The following LRATD2 variants were observed in gnomAD, a reference collection of about 807,000 sequenced individuals.
The protein encoded by LRATD2 is LRAT domain containing 2.
LRATD2 carries 10 observed loss-of-function variants against 12.0 expected under a neutral mutation model. The observed-to-expected ratio is 0.83, with a 90% CI of 0.51 to 1.41. The LOEUF is 1.41. LRATD2 is among the 40% of genes most tolerant of loss of function. The pLI is 0.00. For synonymous variants in LRATD2, 220 were observed against 205.8 expected (o/e 1.07, Z -0.59); for missense variants, 455 against 446.1 (o/e 1.02, Z -0.18).
In LRATD2 at chr8:126,556,497, G is replaced by C. The variant is rs1211652283; in HGVS notation, c.893C>G (p.Pro298Arg). The change falls in exon 2 of 2, where the codon CCC (proline) becomes CGC (arginine). Residue 298 changes from proline to arginine, a missense_variant. By Grantham distance (103) the Pro-to-Arg change is moderately radical. Transcript: ENST00000304916. This position sits in a 1 kb window ranked among gnomAD's most constrained non-coding sequence, Gnocchi z 5.6. ...CTCTCCGTCCTCCTCCTCGGAGCTG[G>C]GCGCAGGGGGGCGCCCGGGAGGCGG... The part of the protein sequence containing the change: ...TTPPPGRPPA[P>R]SSEEEDGEAV... 2 of 1,588,272 alleles carry C rather than the reference G, an allele frequency of 1.3e-6. No homozygotes were observed. The highest frequency in any genetic ancestry group is 1.4e-5 in the African/African-American group (1 of 74,000).
rs993895172 is a variant in LRATD2, at chr8:126,554,939, A to G, written c.*1518T>C. The G allele has an allele frequency of 2.0e-5, 3 of 152,306 alleles. No individual in the cohort carries two copies. The highest frequency in any genetic ancestry group is 7.2e-5 in the African/African-American group (3 of 41,576). The allele number at this position is 152,306 out of a possible 1,614,324, so 9.4% of individuals were successfully genotyped here. On this transcript the variant is annotated 3_prime_UTR_variant, in exon 2 of 2. Coordinates refer to ENST00000304916, the MANE Select transcript of LRATD2 (RefSeq NM_174911.5). ...TATGCTGCAACTGAGGGCACATATC[A>G]TTGAAGATGTCACAGGAGTTTAAGA...
rs1298617378 is a variant in LRATD2 at position 126,558,427 on chromosome 8, G to A, written c.-490C>T. The A allele has an allele frequency of 6.6e-6, 1 of 152,128 alleles. No homozygotes were observed. Among genetic ancestry groups the A allele is most frequent in the African/African-American group, 2.4e-5 (1 of 41,442 alleles). 9.4% of individuals were successfully genotyped at this position (152,128 alleles called of 1,614,324 possible). ...GCTGGAGGGACGGGATTGTAGATCC[G>A]GCTCCGGGCTCCCGGGCGGGAGCGC... On this transcript the variant is annotated 5_prime_UTR_variant, in exon 1 of 2. Coordinates refer to ENST00000304916, the MANE Select transcript of LRATD2 (RefSeq NM_174911.5).
chr8:126,557,584 C>T lies in LRATD2; in HGVS notation c.-96-99G>A. On this transcript the variant is annotated intron_variant, in intron 1 of 1. Coordinates refer to ENST00000304916, the MANE Select transcript of LRATD2 (RefSeq NM_174911.5). The surrounding 1 kb of genome is among the most constrained non-coding windows in gnomAD (Gnocchi z 5.3). ...TCGGTGGGGGCTCAGCACCTGGAGC[C>T]ATTTTAGGGGGAAGTCTCGGGTGTA... The T allele has an allele frequency of 1.6e-6, 1 of 613,488 alleles. No individual in the cohort carries two copies. The highest frequency in any genetic ancestry group is 2.8e-6 in the Non-Finnish European group (1 of 353,990). 38.0% of individuals were successfully genotyped at this position (613,488 alleles called of 1,614,324 possible).
rs2290840 is a variant in LRATD2 at position 126,558,266 on chromosome 8, T to G, written c.-329A>C. ...GGGCAATCCCTGTTCACACCGCGCT[T>G]CCTCCCGCCAGCTGGGGCTGCTGCC... On this transcript the variant is annotated 5_prime_UTR_variant, in exon 1 of 2. Transcript: ENST00000304916. The G allele has an allele frequency of 0.058, 8,823 of 151,962 alleles. 320 individuals carry two copies. The highest frequency in any genetic ancestry group is 0.079 in the Non-Finnish European group (5,381 of 68,020). 9.4% of individuals were successfully genotyped at this position (151,962 alleles called of 1,614,324 possible). A position where few individuals can be genotyped will look rare whatever the true frequency, so the allele number is the denominator to read the frequency against.
chr8:126,557,124 T>C lies in LRATD2; in HGVS notation c.266A>G (p.Asp89Gly). ...HEVECSVFYR[D>G]ECIYQKSFAP... Reference sequence around the variant, plus strand: ...GAAGCTCTTCTGGTAGATGCATTCGTCCCGGTAGAACACGGAGCATTCCAC... The same window carrying C: ...GAAGCTCTTCTGGTAGATGCATTCGCCCCGGTAGAACACGGAGCATTCCAC... The change falls in exon 2 of 2, where the codon GAC becomes GGC. Residue 89 changes from aspartate to glycine, a missense_variant. Transcript: ENST00000304916. This position sits in a 1 kb window ranked among gnomAD's most constrained non-coding sequence, Gnocchi z 5.3. 6.2e-7 allele frequency: 1 copy of C among 1,612,596 alleles called. No homozygotes were observed. Among genetic ancestry groups the C allele is most frequent in the Non-Finnish European group, 8.5e-7 (1 of 1,179,948 alleles).
chr8:126,556,158 C>A lies in LRATD2; in HGVS notation c.*299G>T. 1 of 429,232 alleles carries A rather than the reference C, an allele frequency of 2.3e-6. No individual in the cohort carries two copies. The highest frequency in any genetic ancestry group is 5.0e-5 in the South Asian group (1 of 20,186). The allele number at this position is 429,232 out of a possible 1,614,324, so 26.6% of individuals were successfully genotyped here. ...TGGCCGATTATAAACCCAGATCTAC[C>A]AAGGTTTAAGTGCCAGGCAAGTCCA... On this transcript the variant is annotated 3_prime_UTR_variant, in exon 2 of 2. Coordinates refer to ENST00000304916, the MANE Select transcript of LRATD2 (RefSeq NM_174911.5). The surrounding 1 kb of genome is among the most constrained non-coding windows in gnomAD (Gnocchi z 5.6).
rs1168758230 is a variant in LRATD2, at chr8:126,557,250, G to A, written c.140C>T (p.Pro47Leu). Reference protein sequence around the residue: ...IFSNDDEDVEPQPPPQGPDGG... With the variant: ...IFSNDDEDVELQPPPQGPDGG... ...ATCTGGCCCCTGAGGCGGCGGCTGC[G>A]GCTCCACGTCCTCATCGTCATTGGA... is the stretch of plus-strand genomic sequence containing the variant. Residue 47 changes from proline (P) to leucine (L), a missense_variant, in exon 2 of 2, where the codon CCG becomes CTG. By Grantham distance (98) the Pro-to-Leu change is moderately conservative. Coordinates refer to ENST00000304916, the MANE Select transcript of LRATD2 (RefSeq NM_174911.5). This position sits in a 1 kb window ranked among gnomAD's most constrained non-coding sequence, Gnocchi z 5.3. The A allele has an allele frequency of 6.2e-7, 1 of 1,606,900 alleles. No individual in the cohort carries two copies. Among genetic ancestry groups the A allele is most frequent in the Non-Finnish European group, 8.5e-7 (1 of 1,177,142 alleles).
In LRATD2 at chr8:126,557,488, GT is replaced by G; in HGVS notation, c.-96-4del. The G allele has an allele frequency of 7.5e-7, 1 of 1,334,090 alleles. No homozygotes were observed. 82.6% of individuals were successfully genotyped at this position (1,334,090 alleles called of 1,614,324 possible). ...CCCCGGACAGGGGCTGAGGCTACCT[GT>G]TGGGAGAGGAAGGCAAGAAAGCCAT... is the stretch of plus-strand genomic sequence containing the variant. On this transcript the variant is annotated splice_polypyrimidine_tract_variant and splice_region_variant and intron_variant, in intron 1 of 1. Coordinates refer to ENST00000304916, the MANE Select transcript of LRATD2 (RefSeq NM_174911.5). This position sits in a 1 kb window ranked among gnomAD's most constrained non-coding sequence, Gnocchi z 5.3.
Position 126,555,796 on chromosome 8 carries a change from G to A in LRATD2, c.*661C>T, listed in dbSNP as rs1373948315. 1 of 152,682 alleles carries A rather than the reference G, an allele frequency of 6.5e-6. No individual in the cohort carries two copies. The highest frequency in any genetic ancestry group is 1.5e-5 in the Non-Finnish European group (1 of 68,068). The allele number at this position is 152,682 out of a possible 1,614,324, so 9.5% of individuals were successfully genotyped here. ...AATTACTTGGGGGTTGTGGAGGAGG[G>A]AGGTAGCAAAGTCTTTGTTTGTAGC... On this transcript the variant is annotated 3_prime_UTR_variant, in exon 2 of 2. Transcript: ENST00000304916.
In LRATD2 at chr8:126,557,504, A is replaced by G; in HGVS notation, c.-96-19T>C. On this transcript the variant is annotated intron_variant, in intron 1 of 1. Transcript: ENST00000304916. The surrounding 1 kb of genome is among the most constrained non-coding windows in gnomAD (Gnocchi z 5.3). ...AGGCTACCTGTTGGGAGAGGAAGGC[A>G]AGAAAGCCATGCAGGAGCCCCTCCG... 1 of 1,195,108 alleles carries G rather than the reference A, an allele frequency of 8.4e-7. No homozygotes were observed. Among genetic ancestry groups the G allele is most frequent in the Non-Finnish European group, 1.2e-6 (1 of 852,174 alleles). The allele number at this position is 1,195,108 out of a possible 1,614,324, so 74.0% of individuals were successfully genotyped here.
At position 126,555,845 on chromosome 8, in the gene LRATD2, A is replaced by G. The variant is rs547742070; in HGVS notation, c.*612T>C. ...GCCCGAGTTTGCTTAACTATTTGTT[A>G]CACTTAATAGGAGGCTGCTGTGGTT... On this transcript the variant is annotated 3_prime_UTR_variant, in exon 2 of 2. Coordinates refer to ENST00000304916, the MANE Select transcript of LRATD2 (RefSeq NM_174911.5). 1 of 152,802 alleles carries G rather than the reference A, an allele frequency of 6.5e-6. No individual in the cohort carries two copies. Among genetic ancestry groups the G allele is most frequent in the African/African-American group, 2.4e-5 (1 of 41,570 alleles). The allele number at this position is 152,802 out of a possible 1,614,324, so 9.5% of individuals were successfully genotyped here. A position where few individuals can be genotyped will look rare whatever the true frequency, so the allele number is the denominator to read the frequency against.
At position 126,558,060 on chromosome 8, in the gene LRATD2, C is replaced by T. The variant is rs558948031; in HGVS notation, c.-123G>A. 1.3e-5 allele frequency: 2 copies of T among 152,442 alleles called. No individual in the cohort carries two copies. The highest frequency in any genetic ancestry group is 1.3e-4 in the Admixed American group (2 of 15,306). The allele number at this position is 152,442 out of a possible 1,614,324, so 9.4% of individuals were successfully genotyped here. The stretch of plus-strand genomic sequence containing the variant: ...CGCGGAGAGGTGAAGGCCGTGGGGC[C>T]TGGGGAAGGGCTCCCTGCCGCGCCC... On this transcript the variant is annotated 5_prime_UTR_variant, in exon 1 of 2. Transcript: ENST00000304916.
rs1454199500 is a variant in LRATD2 at position 126,556,737 on chromosome 8, C to T, written c.653G>A (p.Gly218Asp). 3.7e-6 allele frequency: 6 copies of T among 1,603,494 alleles called. No individual in the cohort carries two copies. The highest frequency in any genetic ancestry group is 4.3e-6 in the Non-Finnish European group (5 of 1,175,194). Residue 218 changes from glycine (G) to aspartate (D), a missense_variant, in exon 2 of 2, where the codon GGC (glycine) becomes GAC (aspartate). By Grantham distance (94) the Gly-to-Asp change is moderately conservative. Transcript: ENST00000304916. The surrounding 1 kb of genome is among the most constrained non-coding windows in gnomAD (Gnocchi z 5.6). ...CTGCTTGCCGATGCGCAGCTCGCCGCCGATCTTGAACTCGCGCTTGCCGTA... is the reference window on the plus strand; with the variant it reads ...CTGCTTGCCGATGCGCAGCTCGCCGTCGATCTTGAACTCGCGCTTGCCGTA... The part of the protein sequence containing the change: ...CRYGKREFKI[G>D]GELRIGKQPY...
In LRATD2 at chr8:126,557,257, C is replaced by T. The variant is rs1430606134; in HGVS notation, c.133G>A (p.Val45Met). The T allele has an allele frequency of 3.1e-6, 5 of 1,608,852 alleles. No individual in the cohort carries two copies. Among genetic ancestry groups the T allele is most frequent in the African/African-American group, 1.3e-5 (1 of 74,852 alleles). ...SYIFSNDDED[V>M]EPQPPPQGPD... Reference sequence around the variant, plus strand: ...CCCTGAGGCGGCGGCTGCGGCTCCACGTCCTCATCGTCATTGGAGAAAATG... The same window carrying T: ...CCCTGAGGCGGCGGCTGCGGCTCCATGTCCTCATCGTCATTGGAGAAAATG... Residue 45 changes from valine (V) to methionine (M), a missense_variant, in exon 2 of 2, where the codon GTG (valine) becomes ATG (methionine). Transcript: ENST00000304916. This position sits in a 1 kb window ranked among gnomAD's most constrained non-coding sequence, Gnocchi z 5.3.
rs1817304290 is a variant in LRATD2 at position 126,552,645 on chromosome 8, AATGTAAC to A, written c.*3805_*3811del. On this transcript the variant is annotated 3_prime_UTR_variant, in exon 2 of 2. Coordinates refer to ENST00000304916, the MANE Select transcript of LRATD2 (RefSeq NM_174911.5). ...CTTCCTTCTCAAGAAGTGATATAAG[AATGTAAC>A]ATTGATTTAACATACAACCTTCAAC... 1 of 152,650 alleles carries A rather than the reference AATGTAAC, an allele frequency of 6.6e-6. No individual in the cohort carries two copies. Among genetic ancestry groups the A allele is most frequent in the South Asian group, 2.1e-4 (1 of 4,828 alleles). The allele number at this position is 152,650 out of a possible 1,614,324, so 9.5% of individuals were successfully genotyped here. A position where few individuals can be genotyped will look rare whatever the true frequency, so the allele number is the denominator to read the frequency against.
Position 126,557,468 on chromosome 8 carries a change from G to GGGCT in LRATD2, c.-80_-79insAGCC. On this transcript the variant is annotated 5_prime_UTR_variant, in exon 2 of 2. Transcript: ENST00000304916. This position sits in a 1 kb window ranked among gnomAD's most constrained non-coding sequence, Gnocchi z 5.3. ...CCAGGGTCATTTGCACAGGTCCCCG[G>GGGCT]ACAGGGGCTGAGGCTACCTGTTGGG... 6.8e-7 allele frequency: 1 copy of GGGCT among 1,476,326 alleles called. No individual in the cohort carries two copies. The allele number at this position is 1,476,326 out of a possible 1,614,324, so 91.5% of individuals were successfully genotyped here. A position where few individuals can be genotyped will look rare whatever the true frequency, so the allele number is the denominator to read the frequency against.
In LRATD2 at chr8:126,556,951, G is replaced by T. The variant is rs746098110; in HGVS notation, c.439C>A (p.Arg147=). 2 of 1,610,018 alleles carry T rather than the reference G, an allele frequency of 1.2e-6. No homozygotes were observed. The highest frequency in any genetic ancestry group is 1.7e-6 in the Non-Finnish European group (2 of 1,179,984). Residue 147 remains arginine (R), a synonymous_variant, in exon 2 of 2, where the codon CGG becomes AGG. Coordinates refer to ENST00000304916, the MANE Select transcript of LRATD2 (RefSeq NM_174911.5). The surrounding 1 kb of genome is among the most constrained non-coding windows in gnomAD (Gnocchi z 5.6). ...AGGAAGCTGTTAATCACCTCCAGCCGGTGCAGGTGCACCACCTGGAAGTTA... is the reference window on the plus strand; with the variant it reads ...AGGAAGCTGTTAATCACCTCCAGCCTGTGCAGGTGCACCACCTGGAAGTTA... The part of the protein sequence containing the change: ...VGNFQVVHLH[R]LEVINSFLTD...
In LRATD2 at chr8:126,553,492, A is replaced by G. The variant is rs1817323184; in HGVS notation, c.*2965T>C. The G allele has an allele frequency of 6.5e-6, 1 of 152,776 alleles. No individual in the cohort carries two copies. The highest frequency in any genetic ancestry group is 2.1e-4 in the South Asian group (1 of 4,832). 9.5% of individuals were successfully genotyped at this position (152,776 alleles called of 1,614,324 possible). A position where few individuals can be genotyped will look rare whatever the true frequency, so the allele number is the denominator to read the frequency against. On this transcript the variant is annotated 3_prime_UTR_variant, in exon 2 of 2. Coordinates refer to ENST00000304916, the MANE Select transcript of LRATD2 (RefSeq NM_174911.5). Reference sequence around the variant, plus strand: ...GTAATTCACAGTACAAAACAGTTCTACAGTCTTATTCCTAAGGAGAAACAA... The same window carrying G: ...GTAATTCACAGTACAAAACAGTTCTGCAGTCTTATTCCTAAGGAGAAACAA...
In LRATD2 at chr8:126,556,176, C is replaced by G. The variant is rs534375759; in HGVS notation, c.*281G>C. On this transcript the variant is annotated 3_prime_UTR_variant, in exon 2 of 2. Transcript: ENST00000304916. This position sits in a 1 kb window ranked among gnomAD's most constrained non-coding sequence, Gnocchi z 5.6. ...GATCTACCAAGGTTTAAGTGCCAGG[C>G]AAGTCCACAGTTTGCTCCACCGCGG... 9.7e-5 allele frequency: 45 copies of G among 462,206 alleles called. No individual in the cohort carries two copies. The highest frequency in any genetic ancestry group is 1.4e-4 in the Non-Finnish European group (37 of 264,656). 28.6% of individuals were successfully genotyped at this position (462,206 alleles called of 1,614,324 possible). A position where few individuals can be genotyped will look rare whatever the true frequency, so the allele number is the denominator to read the frequency against.
Sources: gnomAD v4.1 joint callset for allele counts on GRCh38, gnomAD v4.1.1 for gene constraint, Gnocchi (gnomAD v3.1) non-coding constraint, MANE v1.5 for transcripts, NCBI Gene and HGNC (gene_info 2026-07-23, HGNC 2026-07-21) for gene names.